Variants in SPOCK1 observed in about 807,000 individuals in gnomAD.
SPOCK1 encodes the protein SPARC (osteonectin), cwcv and kazal like domains proteoglycan 1.
SPOCK1 carries 23 observed loss-of-function variants against 55.3 expected under a neutral mutation model. That is an observed-to-expected ratio of 0.42 (90% CI 0.30 to 0.59). SPOCK1 has a LOEUF of 0.59. SPOCK1 is among the 20% of genes least tolerant of loss of function. The pLI, the probability that SPOCK1 is intolerant of heterozygous loss-of-function variation, is 0.22. For missense variants in SPOCK1, 499 were observed against 552.5 expected (o/e 0.90, Z 0.97); for synonymous variants, 226 against 221.0 (o/e 1.02, Z -0.20).
chr5:137,393,361 C>T lies in SPOCK1; in HGVS notation c.186+105012G>A, dbSNP rs940267306. 5.3e-5 allele frequency among the ~76,000 whole-genome samples: 8 copies of T among 152,304 alleles called. No individual in the cohort carries two copies. In the South Asian group the frequency reaches 6.2e-4, roughly 12 times the overall value. On this transcript the variant is annotated intron_variant, in intron 2 of 10. Coordinates refer to ENST00000394945, the MANE Select transcript of SPOCK1 (RefSeq NM_004598.4). The stretch of plus-strand genomic sequence containing the variant: ...CTCAGCCATCACCATGAGAACATGC[C>T]TGAGCTAGCTTCTAGGAGATGAGAC...
chr5:137,498,512 A>G lies in SPOCK1; in HGVS notation c.47T>C (p.Phe16Ser). ...VLAAAAAAWC[F>S]LQVESRHLDA... Reference sequence around the variant, plus strand: ...CAGGTGCCGGCTCTCGACTTGGAGGAAGCACCACGCCGCGGCGGCCGCCGC... The same window carrying G: ...CAGGTGCCGGCTCTCGACTTGGAGGGAGCACCACGCCGCGGCGGCCGCCGC... Residue 16 changes from phenylalanine to serine, a missense_variant, in exon 2 of 11, where the codon TTC becomes TCC. Phe to Ser is a radical substitution (Grantham distance 155). Coordinates refer to ENST00000394945, the MANE Select transcript of SPOCK1 (RefSeq NM_004598.4). The G allele has an allele frequency of 6.4e-7, 1 of 1,570,288 alleles. No homozygotes were observed. Among genetic ancestry groups the G allele is most frequent in the Non-Finnish European group, 8.6e-7 (1 of 1,163,982 alleles).
chr5:137,302,404 CT>C (rs1757612959), intron 2 of SPOCK1, among the ~76,000 whole-genome samples: 1 of 62,568 alleles, frequency 1.6e-5, no homozygotes, highest in South Asian at 7.4e-4. Flanking sequence ...CCCGTCTCTA[CT>C]AAAAATACAA....
intron 3 of SPOCK1, among the ~76,000 whole-genome samples, chr5:137,178,300 A>T (rs900718961): frequency 1.3e-5 from 2 of 152,248 alleles, no homozygotes; most frequent in Non-Finnish European, 2.9e-5. Context: ...TGGTAAACAC[A>T]TACTTTGTGG....
chr5:137,212,100 A>T (rs998365554), intron 3 of SPOCK1, among the ~76,000 whole-genome samples: 28 of 152,186 alleles, frequency 1.8e-4, no homozygotes, highest in African/African-American at 6.8e-4. Flanking sequence ...TGGCATCCGA[A>T]GGGGGGTCCA....
chr5:137,149,843 G>C (rs1168176081), intron 3 of SPOCK1, among the ~76,000 whole-genome samples: 2 of 152,180 alleles, frequency 1.3e-5, no homozygotes, highest in Admixed American at 1.3e-4. Flanking sequence ...TGAGAGGAGA[G>C]AGGCAGCTTT....
At chr5:137,488,511 C>T (rs1375598198) in intron 2 of SPOCK1, among the ~76,000 whole-genome samples, 2 of 152,168 alleles carry the variant, frequency 1.3e-5, no homozygotes, top group African/African-American at 4.8e-5. Context: ...AGTGATTTCT[C>T]AAGACTGTAA....
intron 2 of SPOCK1, among the ~76,000 whole-genome samples, chr5:137,275,353 C>T (rs904801562): frequency 1.3e-5 from 2 of 152,194 alleles, no homozygotes; most frequent in African/African-American, 4.8e-5. Flanking sequence ...GAATAAAACA[C>T]CAGCTATTAA....
intron 3 of SPOCK1, among the ~76,000 whole-genome samples, chr5:137,174,272 C>T (rs1451190263): frequency 6.6e-6 from 1 of 152,204 alleles, no homozygotes; most frequent in African/African-American, 2.4e-5. Context: ...CAGCAGGTAA[C>T]AATTGCACAT....
chr5:137,225,667 T>A (rs966838996), intron 3 of SPOCK1, among the ~76,000 whole-genome samples: 2 of 152,162 alleles, frequency 1.3e-5, no homozygotes, highest in Non-Finnish European at 2.9e-5. Context: ...TCCTTTAGAA[T>A]CACCTGGAAG....
intron 6 of SPOCK1, 34 bp from the exon 7 acceptor site, chr5:136,992,634 TG>T (rs751088193): frequency 2.6e-6 from 4 of 1,563,344 alleles, no homozygotes; most frequent in Non-Finnish European, 3.5e-6. Context: ...ACAATGGGGC[TG>T]GGGGCTTTCT....
chr5:137,207,449 T>G (rs1359701050), intron 3 of SPOCK1, among the ~76,000 whole-genome samples: 1 of 152,220 alleles, frequency 6.6e-6, no homozygotes, highest in Non-Finnish European at 1.5e-5. Flanking sequence ...CAATCAAACT[T>G]TTTCTAACTG....
chr5:137,397,781 G>A (rs1027916537), intron 2 of SPOCK1, among the ~76,000 whole-genome samples: 1 of 152,090 alleles, frequency 6.6e-6, no homozygotes, highest in African/African-American at 2.4e-5. Context: ...GGCTGCAAGG[G>A]GCTTAAGTCA....
intron 2 of SPOCK1, among the ~76,000 whole-genome samples, chr5:137,302,897 G>C (rs2961635): frequency 0.85 from 128,662 of 152,130 alleles, 54,590 homozygotes; most frequent in African/African-American, 0.9. Context: ...ATTTTCAGAT[G>C]TGGAACAGGT....
At chr5:137,110,999 G>A (rs1190993533) in intron 5 of SPOCK1, among the ~76,000 whole-genome samples, 1 of 152,092 alleles carries the variant, frequency 6.6e-6, no homozygotes, top group Non-Finnish European at 1.5e-5. Context: ...AGAAAAATGT[G>A]AACATCTGGG....
At chr5:137,329,434 C>A (rs1410540273) in intron 2 of SPOCK1, among the ~76,000 whole-genome samples, 2 of 152,114 alleles carry the variant, frequency 1.3e-5, no homozygotes, top group Admixed American at 6.5e-5. Flanking sequence ...CCTTTTGGTT[C>A]TTTTTCTCTG....
chr5:137,051,868 A>G (rs1369878579), intron 6 of SPOCK1, among the ~76,000 whole-genome samples: 1 of 152,144 alleles, frequency 6.6e-6, no homozygotes, highest in East Asian at 1.9e-4. Flanking sequence ...GTCTCCCAAG[A>G]CCCATTCTTC....
rs529384114 is a variant in SPOCK1 at position 137,201,838 on chromosome 5, T to C, written c.233-61144A>G. On this transcript the variant is annotated intron_variant, in intron 3 of 10. Coordinates refer to ENST00000394945, the MANE Select transcript of SPOCK1 (RefSeq NM_004598.4). ...AATACTCTATCAACTCTGAGGGGCC[T>C]ATACTAAAAATACACCCAGCTCTAT... is the stretch of plus-strand genomic sequence containing the variant. 5.9e-5 allele frequency among the ~76,000 whole-genome samples: 9 copies of C among 152,338 alleles called. No homozygotes were observed. In the South Asian group the frequency reaches 1.9e-3, roughly 32 times the overall value.
intron 2 of SPOCK1, among the ~76,000 whole-genome samples, chr5:137,411,222 G>A (rs561178566): frequency 2.6e-5 from 4 of 152,282 alleles, no homozygotes; most frequent in East Asian, 1.9e-4. Flanking sequence ...AACCCAGTCT[G>A]AGATCTAGCC....
chr5:137,398,639 G>A (rs896750850), intron 2 of SPOCK1, among the ~76,000 whole-genome samples: 5 of 152,132 alleles, frequency 3.3e-5, no homozygotes, highest in African/African-American at 4.8e-5. Context: ...AGAGACCACA[G>A]CTAAACAAAT....
Sources: allele counts gnomAD v4.1 joint callset (sites outside exome capture counted in the v4.1 genomes callset), GRCh38; gene constraint gnomAD v4.1.1; transcripts MANE v1.5; gene names NCBI Gene and HGNC (gene_info 2026-07-23, HGNC 2026-07-21).